ZNF804B: variants seen among roughly 807,000 people sequenced by gnomAD.
ZNF804B encodes the protein zinc finger protein 804B.
In ZNF804B, 80 loss-of-function variants were observed where a neutral mutation model predicts 101.4. The ratio of observed to expected loss-of-function variants is 0.79; its 90% CI spans 0.66 to 0.95. ZNF804B has a LOEUF of 0.95. Ranked by LOEUF, ZNF804B falls within the 40% of genes least tolerant of loss-of-function variation. The pLI, the probability that ZNF804B is intolerant of heterozygous loss-of-function variation, is 0.00. For synonymous variants in ZNF804B, 622 were observed against 558.8 expected, an observed-to-expected ratio of 1.11 and a Z score of -1.59; for missense variants, 1,673 against 1,561.9, an observed-to-expected ratio of 1.07 and a Z score of -1.20.
At chr7:89,285,521 T>A (rs1435310363) in intron 2 of ZNF804B, among the ~76,000 whole-genome samples, 1 of 4,354 alleles carries the variant, frequency 2.3e-4, no homozygotes. Flanking sequence ...AGACTCTGTC[T>A]CAAAAAAAAA....
chr7:88,942,501 AGT>A (rs72429940), intron 1 of ZNF804B, among the ~76,000 whole-genome samples: 15,460 of 86,676 alleles, frequency 0.18, 823 homozygotes, highest in South Asian at 0.29. Flanking sequence ...TATTTGAGTG[AGT>A]GTGTGTGTGT....
chr7:89,262,598 T>C (rs193032055), intron 2 of ZNF804B, among the ~76,000 whole-genome samples: 6 of 152,298 alleles, frequency 3.9e-5, no homozygotes, highest in Admixed American at 2.6e-4. Flanking sequence ...CTTTTTATCT[T>C]TTTTTCCATT....
Position 89,154,551 on chromosome 7 carries a change from C to A in ZNF804B, c.109-63604C>A, listed in dbSNP as rs548521440. Reference sequence around the variant, plus strand: ...GCCATAAAAAACAATGAGATCCTGTCATTTGCAACAACATGGATGGAACTG... The same window carrying A: ...GCCATAAAAAACAATGAGATCCTGTAATTTGCAACAACATGGATGGAACTG... On this transcript the variant is annotated intron_variant, in intron 1 of 3. Coordinates refer to ENST00000333190, the MANE Select transcript of ZNF804B (RefSeq NM_181646.5). Among the ~76,000 whole-genome samples the A allele has an allele frequency of 5.1e-4, 77 of 152,202 alleles. 1 individual carries two copies. The highest frequency in any genetic ancestry group is 7.9e-4 in the Admixed American group (12 of 15,274).
At chr7:89,151,564 T>C (rs1790876749) in intron 1 of ZNF804B, among the ~76,000 whole-genome samples, 1 of 152,116 alleles carries the variant, frequency 6.6e-6, no homozygotes, top group Non-Finnish European at 1.5e-5. Flanking sequence ...CCATTAAATT[T>C]CATCATTCAT....
intron 1 of ZNF804B, among the ~76,000 whole-genome samples, chr7:89,138,718 A>AG (rs1251890233): frequency 1.3e-5 from 2 of 152,002 alleles, no homozygotes; most frequent in Non-Finnish European, 2.9e-5. Context: ...ATTGAATCAT[A>AG]GGGGGAGGTC....
At chr7:88,871,953 G>C (rs1323314336) in intron 1 of ZNF804B, among the ~76,000 whole-genome samples, 1 of 151,924 alleles carries the variant, frequency 6.6e-6, no homozygotes, top group Non-Finnish European at 1.5e-5. Flanking sequence ...GGGCAACAAG[G>C]GTGAAACTCT....
At chr7:89,307,317 T>C (rs553854132) in intron 2 of ZNF804B, among the ~76,000 whole-genome samples, 107 of 152,138 alleles carry the variant, frequency 7.0e-4, no homozygotes, top group African/African-American at 2.6e-3. Flanking sequence ...CAAAATGTCC[T>C]TTTAAAATAA....
intron 2 of ZNF804B, among the ~76,000 whole-genome samples, chr7:89,220,312 T>C (rs1788985137): frequency 6.6e-6 from 1 of 151,502 alleles, no homozygotes; most frequent in Admixed American, 6.6e-5. Context: ...GTTTTAGGAT[T>C]GTAATTCCCA....
intron 2 of ZNF804B, among the ~76,000 whole-genome samples, chr7:89,250,748 C>T (rs1789526775): frequency 6.6e-6 from 1 of 152,174 alleles, no homozygotes. Context: ...TCAGCATGAT[C>T]AAATAGGCTT....
chr7:88,854,529 T>TCCTTTCCTTTCCTTCCCTC, intron 1 of ZNF804B, among the ~76,000 whole-genome samples: 1 of 57,922 alleles, frequency 1.7e-5, no homozygotes, highest in East Asian at 7.6e-4. Context: ...TTCCTTCCTT[T>TCCTTTCCTTTCCTTCCCTC]CCTTCCTTCC....
intron 1 of ZNF804B, among the ~76,000 whole-genome samples, chr7:88,868,407 C>T (rs1791769303): frequency 6.6e-6 from 1 of 152,140 alleles, no homozygotes; most frequent in Non-Finnish European, 1.5e-5. Context: ...CTATTATTTT[C>T]TCATTACTTC....
chr7:88,892,971 T>C (rs1562824683), intron 1 of ZNF804B, among the ~76,000 whole-genome samples: 1 of 152,164 alleles, frequency 6.6e-6, no homozygotes, highest in Non-Finnish European at 1.5e-5. Flanking sequence ...TGTCTTCCTA[T>C]CAGAGTAATT....
intron 1 of ZNF804B, among the ~76,000 whole-genome samples, chr7:89,147,950 A>G (rs1384472587): frequency 4.6e-5 from 7 of 151,988 alleles, no homozygotes; most frequent in Non-Finnish European, 5.9e-5. Flanking sequence ...AATATATAAT[A>G]GAAATAAAGT....
chr7:88,984,261 T>C (rs1793730171), intron 1 of ZNF804B, among the ~76,000 whole-genome samples: 1 of 152,052 alleles, frequency 6.6e-6, no homozygotes, highest in Non-Finnish European at 1.5e-5. Flanking sequence ...AGTAAATATA[T>C]CTAGCAGCAG....
chr7:88,956,332 T>C (rs1793308435), intron 1 of ZNF804B, among the ~76,000 whole-genome samples: 1 of 151,536 alleles, frequency 6.6e-6, no homozygotes, highest in African/African-American at 2.4e-5. Context: ...ATGGAATCAA[T>C]CTAAGTGTCC....
At chr7:88,855,705 C>A (rs1337232071) in intron 1 of ZNF804B, among the ~76,000 whole-genome samples, 2 of 152,078 alleles carry the variant, frequency 1.3e-5, no homozygotes, top group African/African-American at 4.8e-5. Flanking sequence ...ATGGTATTGC[C>A]TAGGTTTTCT....
At position 88,854,476 on chromosome 7, in the gene ZNF804B, T is replaced by TTTCTTTCTTTCTTTCTCTTTG. The variant is rs1554340148; in HGVS notation, c.108+94392_108+94393insTTCTTTCTTTCTTTCTCTTTG. ...CTTTCTTTCTTTCTTTCTTTCTTTC[T>TTTCTTTCTTTCTTTCTCTTTG]CTTTCCTTTCCTTTCCTTTCCTTTC... On this transcript the variant is annotated intron_variant, in intron 1 of 3. Coordinates refer to ENST00000333190, the MANE Select transcript of ZNF804B (RefSeq NM_181646.5). 1.6e-4 allele frequency among the ~76,000 whole-genome samples: 8 copies of TTTCTTTCTTTCTTTCTCTTTG among 48,762 alleles called. No individual in the cohort carries two copies. In the East Asian group the frequency reaches 4.6e-3, roughly 28 times the overall value. 32.0% of individuals were successfully genotyped at this position (48,762 alleles called of 152,430 possible). A position where few individuals can be genotyped will look rare whatever the true frequency, so the allele number is the denominator to read the frequency against.
At chr7:89,033,737 T>C (rs1788878078) in intron 1 of ZNF804B, among the ~76,000 whole-genome samples, 1 of 151,800 alleles carries the variant, frequency 6.6e-6, no homozygotes, top group Non-Finnish European at 1.5e-5. Context: ...ATTAAATAAA[T>C]ATGAAAGGAA....
chr7:89,236,112 A>C (rs2115751328), intron 2 of ZNF804B, among the ~76,000 whole-genome samples: 1 of 152,228 alleles, frequency 6.6e-6, no homozygotes, highest in East Asian at 1.9e-4. Flanking sequence ...TTTTATCATT[A>C]CTTGGCCTCC....
Sources: allele counts gnomAD v4.1 joint callset (sites outside exome capture counted in the v4.1 genomes callset), GRCh38; gene constraint gnomAD v4.1.1; transcripts MANE v1.5; gene names NCBI Gene and HGNC (gene_info 2026-07-23, HGNC 2026-07-21).